The following FHIT variants were observed in gnomAD, a reference collection of about 807,000 sequenced individuals.
The protein encoded by FHIT is bis(5'-adenosyl)-triphosphatase.
FHIT carries 19 observed loss-of-function variants against 17.9 expected under a neutral mutation model. That is an observed-to-expected ratio of 1.06 (90% confidence interval 0.74 to 1.56). The LOEUF (loss-of-function observed/expected upper bound fraction) is 1.56, where lower values mean the gene tolerates loss of function less well. Among genes scored for constraint, FHIT ranks in the 40% most tolerant of loss-of-function variants. The probability of loss-of-function intolerance (pLI) is 0.00; values close to 1 mark genes in which losing one functional copy is unlikely to be tolerated. For missense variants in FHIT, 248 were observed against 189.2 expected (o/e 1.31, Z -1.82); for synonymous variants, 81 against 69.7 (o/e 1.16, Z -0.81).
intron 2 of FHIT, among the ~76,000 whole-genome samples, chr3:61,106,096 T>G (rs2035981032): frequency 6.6e-6 from 1 of 152,162 alleles, no homozygotes; most frequent in South Asian, 2.1e-4. Flanking sequence ...GAGCCTGAAT[T>G]TCTACACTTG....
At chr3:60,521,403 A>G (rs909440870) in intron 5 of FHIT, among the ~76,000 whole-genome samples, 2 of 151,934 alleles carry the variant, frequency 1.3e-5, no homozygotes, top group African/African-American at 2.4e-5. Context: ...GCCCGCCACC[A>G]CACCCAGCTA....
In FHIT at chr3:60,376,292, C is replaced by T. The variant is rs144791695; in HGVS notation, c.103+160568G>A. 3.6e-3 allele frequency among the ~76,000 whole-genome samples: 550 copies of T among 152,256 alleles called. 2 individuals are homozygous for T. The highest frequency in any genetic ancestry group is 6.8e-3 in the Middle Eastern group (2 of 294). ...CTGCTGACTTACCATTTAAATAAAG[C>T]TTTTAATTATCTTAAACATATAATA... is the stretch of plus-strand genomic sequence containing the variant. On this transcript the variant is annotated intron_variant, in intron 5 of 9. Transcript: ENST00000492590.
chr3:61,133,898 C>G (rs1461980457), intron 2 of FHIT, among the ~76,000 whole-genome samples: 1 of 152,014 alleles, frequency 6.6e-6, no homozygotes, highest in Non-Finnish European at 1.5e-5. Flanking sequence ...ACCAGCCTAG[C>G]TAACACGGTG....
At chr3:61,170,651 T>G (rs1424296455) in intron 2 of FHIT, among the ~76,000 whole-genome samples, 2 of 152,198 alleles carry the variant, frequency 1.3e-5, no homozygotes, top group African/African-American at 4.8e-5. Context: ...TGTGTTAGTT[T>G]GCTAAGGATA....
chr3:60,377,087 G>A (rs1700593655), intron 5 of FHIT, among the ~76,000 whole-genome samples: 1 of 152,120 alleles, frequency 6.6e-6, no homozygotes, highest in Non-Finnish European at 1.5e-5. Flanking sequence ...ATACACAGGT[G>A]ACTGAAATAT....
intron 2 of FHIT, among the ~76,000 whole-genome samples, chr3:61,120,513 T>A (rs958251466): frequency 2.0e-5 from 3 of 152,168 alleles, no homozygotes; most frequent in African/African-American, 7.2e-5. Context: ...GGAGTGTACA[T>A]CATCCCTTGG....
intron 2 of FHIT, among the ~76,000 whole-genome samples, chr3:61,050,844 G>C (rs539351601): frequency 6.6e-6 from 1 of 152,178 alleles, no homozygotes; most frequent in African/African-American, 2.4e-5. Context: ...TTCACTTCCA[G>C]CTGGGAGAAA....
chr3:60,888,639 C>T (rs925291940), intron 3 of FHIT, among the ~76,000 whole-genome samples: 4 of 152,136 alleles, frequency 2.6e-5, no homozygotes, highest in Non-Finnish European at 4.4e-5. Flanking sequence ...AAAAGTTTCA[C>T]AGCCGGCAAC....
At chr3:60,192,775 A>T (rs760633659) in intron 5 of FHIT, among the ~76,000 whole-genome samples, 80 of 152,194 alleles carry the variant, frequency 5.3e-4, no homozygotes, top group Non-Finnish European at 4.8e-4. Context: ...CATCCGTGAA[A>T]GCAGAACTGA....
intron 3 of FHIT, among the ~76,000 whole-genome samples, chr3:60,888,050 G>A (rs1339137192): frequency 6.6e-6 from 1 of 152,144 alleles, no homozygotes; most frequent in Non-Finnish European, 1.5e-5. Flanking sequence ...CAACAAGTTG[G>A]TAATTAAGTC....
In FHIT at chr3:59,875,431, G is replaced by A. The variant is rs572025749; in HGVS notation, c.348+46915C>T. 7.9e-5 allele frequency among the ~76,000 whole-genome samples: 12 copies of A among 152,282 alleles called. No homozygotes were observed. In the South Asian group the frequency reaches 1.9e-3, roughly 24 times the overall value. ...TGTGGGCGAAGCCATCCTGCCTGGC[G>A]TCCTCAAGACTCTTGTCTGATACCA... On this transcript the variant is annotated intron_variant, in intron 8 of 9. Transcript: ENST00000492590.
intron 8 of FHIT, among the ~76,000 whole-genome samples, chr3:59,792,973 A>C (rs1463144415): frequency 6.6e-6 from 1 of 150,642 alleles, no homozygotes; most frequent in Non-Finnish European, 1.5e-5. Flanking sequence ...ACCTTACCCC[A>C]CTGTACCTCC....
At chr3:61,055,518 A>C (rs187621317) in intron 2 of FHIT, among the ~76,000 whole-genome samples, 2 of 152,184 alleles carry the variant, frequency 1.3e-5, no homozygotes, top group East Asian at 3.9e-4. Flanking sequence ...TCAAGCTCCA[A>C]CCACGTGCTA....
intron 5 of FHIT, among the ~76,000 whole-genome samples, chr3:60,253,423 C>T (rs1705827292): frequency 2.0e-5 from 3 of 152,262 alleles, no homozygotes; most frequent in African/African-American, 4.8e-5. Flanking sequence ...TCATTGTATT[C>T]AGTGTGATGA....
At chr3:60,427,057 C>T (rs1352913941) in intron 5 of FHIT, among the ~76,000 whole-genome samples, 1 of 152,010 alleles carries the variant, frequency 6.6e-6, no homozygotes, top group Non-Finnish European at 1.5e-5. Context: ...GGGAAATTAT[C>T]TTGGGTGGGC....
chr3:60,558,144 C>A (rs1312971998), intron 4 of FHIT, among the ~76,000 whole-genome samples: 1 of 151,940 alleles, frequency 6.6e-6, no homozygotes, highest in Admixed American at 6.6e-5. Context: ...TATCGCAAAG[C>A]CTGTTAGAAA....
intron 2 of FHIT, among the ~76,000 whole-genome samples, chr3:61,066,325 C>A (rs72876001): frequency 0.046 from 6,984 of 152,108 alleles, 519 homozygotes; most frequent in African/African-American, 0.16. Flanking sequence ...CTTAACATAG[C>A]CAAAAAGGCC....
chr3:60,364,691 C>G (rs749181852), intron 5 of FHIT, among the ~76,000 whole-genome samples: 1 of 152,144 alleles, frequency 6.6e-6, no homozygotes, highest in Non-Finnish European at 1.5e-5. Context: ...AACATTATTT[C>G]TGTGTGTATC....
At chr3:61,192,201 C>A (rs369672143) in intron 2 of FHIT, among the ~76,000 whole-genome samples, 104 of 152,238 alleles carry the variant, frequency 6.8e-4, no homozygotes, top group African/African-American at 2.5e-3. Context: ...CAATGTTGAG[C>A]CACTGAATTA....
Sources: gnomAD v4.1 joint callset for allele counts (sites outside exome capture counted in the v4.1 genomes callset) on GRCh38, gnomAD v4.1.1 for gene constraint, MANE v1.5 for transcripts, NCBI Gene and HGNC (gene_info 2026-07-23, HGNC 2026-07-21) for gene names.